Variants in RASGRF1 observed in about 807,000 individuals in gnomAD.
RASGRF1 encodes Ras protein specific guanine nucleotide releasing factor 1.
RASGRF1 carries 40 observed loss-of-function variants against 138.7 expected under a neutral mutation model. The observed-to-expected ratio is 0.29, with a 90% CI of 0.22 to 0.38. The LOEUF (loss-of-function observed/expected upper bound fraction) is 0.38. RASGRF1 is among the 10% of genes least tolerant of loss of function. The probability of loss-of-function intolerance (pLI) is 1.00; values close to 1 mark genes in which losing one functional copy is unlikely to be tolerated. For missense variants in RASGRF1, 1,108 were observed against 1,650.4 expected (o/e 0.67, Z 5.69); for synonymous variants, 614 against 663.2 (o/e 0.93, Z 1.14).
chr15:78,986,920 A>C (rs2056170790), intron 22 of RASGRF1, among the ~76,000 whole-genome samples: 1 of 152,256 alleles, frequency 6.6e-6, no homozygotes, highest in African/African-American at 2.4e-5. Flanking sequence ...TAGTAGTTAA[A>C]ATTTTTTTCC....
At chr15:79,021,615 T>C (rs921975517) in intron 10 of RASGRF1, among the ~76,000 whole-genome samples, 1 of 152,258 alleles carries the variant, frequency 6.6e-6, no homozygotes, top group Non-Finnish European at 1.5e-5. Flanking sequence ...CTTGGATATT[T>C]CAAGAGAAGT....
At chr15:79,043,597 A>C (rs370120141) in intron 5 of RASGRF1, among the ~76,000 whole-genome samples, 4 of 152,244 alleles carry the variant, frequency 2.6e-5, no homozygotes, top group African/African-American at 9.6e-5. Context: ...TTTTCCTGGG[A>C]TCAATAAGAT....
intron 3 of RASGRF1, among the ~76,000 whole-genome samples, chr15:79,057,713 G>A (rs1342474001): frequency 6.6e-6 from 1 of 152,224 alleles, no homozygotes; most frequent in Non-Finnish European, 1.5e-5. Flanking sequence ...GAAGATCTGG[G>A]GTGGGGCCTG....
chr15:79,063,717 C>A (rs1015184894), intron 2 of RASGRF1, among the ~76,000 whole-genome samples: 3 of 152,212 alleles, frequency 2.0e-5, no homozygotes, highest in African/African-American at 7.2e-5. Flanking sequence ...GAAAAATCCA[C>A]TGCCCAGAAA....
At chr15:79,048,827 C>T (rs1013588843) in intron 4 of RASGRF1, among the ~76,000 whole-genome samples, 3 of 152,162 alleles carry the variant, frequency 2.0e-5, no homozygotes, top group Non-Finnish European at 4.4e-5. Flanking sequence ...AATAGGATTC[C>T]GTGGTTTCAC....
At chr15:79,083,206 G>A (rs2057936024) in intron 1 of RASGRF1, among the ~76,000 whole-genome samples, 2 of 152,252 alleles carry the variant, frequency 1.3e-5, no homozygotes, top group South Asian at 4.1e-4. Context: ...AAGGCTGCAT[G>A]TGAGGGGCTG....
chr15:78,969,530 G>A (rs1362816530), intron 26 of RASGRF1, among the ~76,000 whole-genome samples: 2 of 152,104 alleles, frequency 1.3e-5, no homozygotes, highest in Non-Finnish European at 2.9e-5. Context: ...TTAGCCGGGC[G>A]TGGTGGCTCA....
At chr15:79,016,078 TC>T (rs2056874956) in intron 12 of RASGRF1, among the ~76,000 whole-genome samples, 1 of 152,174 alleles carries the variant, frequency 6.6e-6, no homozygotes, top group Non-Finnish European at 1.5e-5. Context: ...AAAAACTGCA[TC>T]TCTTGGGGGA....
intron 5 of RASGRF1, among the ~76,000 whole-genome samples, chr15:79,036,817 A>G (rs1243061558): frequency 6.6e-6 from 1 of 152,068 alleles, no homozygotes; most frequent in African/African-American, 2.4e-5. Context: ...AGGGAGGGAG[A>G]GAGAACAGAA....
At chr15:79,005,745 CCCTT>C (rs1173727977) in intron 14 of RASGRF1, 34 of 261,824 alleles carry the variant, frequency 1.3e-4, no homozygotes, top group Admixed American at 6.7e-4. Context: ...CTCCCTCCCT[CCCTT>C]CCTTCCTTCC....
At chr15:78,989,737 C>G (rs2056230757) in intron 22 of RASGRF1, among the ~76,000 whole-genome samples, 1 of 152,176 alleles carries the variant, frequency 6.6e-6, no homozygotes. Context: ...CTGCCATTGT[C>G]CAGCCAAATA....
intron 1 of RASGRF1, among the ~76,000 whole-genome samples, chr15:79,069,498 G>C (rs1325711512): frequency 6.6e-6 from 1 of 152,154 alleles, no homozygotes; most frequent in Non-Finnish European, 1.5e-5. Flanking sequence ...CTGGGAGTGA[G>C]GAATATAAGT....
chr15:78,998,183 T>A lies in RASGRF1; in HGVS notation c.2879A>T (p.Lys960Ile). Residue 960 changes from lysine (K) to isoleucine (I), a missense_variant, in exon 19 of 27, where the codon AAA (lysine) becomes ATA (isoleucine). Physicochemically the swap from Lys to Ile is moderately radical, Grantham distance 102. Around this residue, in one of 3 missense-constraint regions of RASGRF1, gnomAD observed 686 missense variants for 976.7 expected, o/e 0.70. Transcript: ENST00000558480. The part of the protein sequence containing the change: ...SQDFETNDEL[K>I]CKVIGFLEEV... ...TTCCAGGAAGCCGATCACCTTGCATTTGAGCTCATCGTTGGTCTCAAAGTC... is the reference window on the plus strand; with the variant it reads ...TTCCAGGAAGCCGATCACCTTGCATATGAGCTCATCGTTGGTCTCAAAGTC... 1 of 1,614,160 alleles carries A rather than the reference T, an allele frequency of 6.2e-7. No homozygotes were observed. The highest frequency in any genetic ancestry group is 2.2e-5 in the East Asian group (1 of 44,868).
chr15:78,993,135 GT>G (rs1415135572), intron 20 of RASGRF1, among the ~76,000 whole-genome samples: 2 of 147,496 alleles, frequency 1.4e-5, no homozygotes, highest in African/African-American at 5.0e-5. Flanking sequence ...TGTATGTGGG[GT>G]GTGTGTGTGT....
At chr15:78,997,083 G>T (rs1175194713) in intron 19 of RASGRF1, among the ~76,000 whole-genome samples, 8 of 152,230 alleles carry the variant, frequency 5.3e-5, no homozygotes, top group Admixed American at 5.2e-4. Context: ...CTTGAAGCGG[G>T]TATTGTTCAC....
chr15:78,976,403 CAA>C (rs940267008), intron 24 of RASGRF1, among the ~76,000 whole-genome samples: 2 of 152,052 alleles, frequency 1.3e-5, no homozygotes, highest in African/African-American at 4.8e-5. Context: ...AAAAAAATCA[CAA>C]AAAAATCTCT....
intron 24 of RASGRF1, among the ~76,000 whole-genome samples, chr15:78,974,224 G>C (rs1211288666): frequency 6.6e-6 from 1 of 152,212 alleles, no homozygotes. Flanking sequence ...CGGTCGTTAT[G>C]TGCCGGCAGG....
At chr15:79,047,054 T>A in intron 4 of RASGRF1, 55 bp from the exon 5 acceptor site, 1 of 1,578,938 alleles carries the variant, frequency 6.3e-7, no homozygotes, top group Non-Finnish European at 8.6e-7. Context: ...GGACCACTCC[T>A]GTCCTTCCAG....
At chr15:78,978,582 T>G in intron 24 of RASGRF1, 1 of 988,570 alleles carries the variant, frequency 1.0e-6, no homozygotes, top group Non-Finnish European at 1.2e-6. Flanking sequence ...ATGAATGGGC[T>G]GCAGACCAAC....
Sources: gnomAD v4.1 joint callset for allele counts (sites outside exome capture counted in the v4.1 genomes callset) on GRCh38, gnomAD v4.1.1 for gene constraint, gnomAD v4.1.1 regional missense constraint, MANE v1.5 for transcripts, NCBI Gene and HGNC (gene_info 2026-07-23, HGNC 2026-07-21) for gene names.